The following SPPL3 variants were observed in gnomAD, a reference collection of about 807,000 sequenced individuals.
SPPL3 encodes signal peptide peptidase-like 3.
Under a neutral mutation model 42.4 loss-of-function variants are expected in SPPL3, and 5 were observed. The ratio of observed to expected loss-of-function variants is 0.12; its 90% CI spans 0.06 to 0.25. The LOEUF (loss-of-function observed/expected upper bound fraction) is 0.25, where lower values mean the gene tolerates loss of function less well. Ranked by LOEUF, SPPL3 falls within the 10% of genes least tolerant of loss-of-function variation. The probability of loss-of-function intolerance (pLI) is 1.00; values close to 1 mark genes in which losing one functional copy is unlikely to be tolerated. For missense variants in SPPL3, 235 were observed against 489.0 expected (o/e 0.48, Z 4.90); for synonymous variants, 195 against 181.8 (o/e 1.07, Z -0.58).
At chr12:120,874,471 GAAT>G (rs913733789) in intron 1 of SPPL3, among the ~76,000 whole-genome samples, 2 of 125,150 alleles carry the variant, frequency 1.6e-5, no homozygotes, top group Non-Finnish European at 3.6e-5. Context: ...AAAAAAAAAA[GAAT>G]AAAAGAAATA....
At chr12:120,877,277 T>C (rs1873134296) in intron 1 of SPPL3, among the ~76,000 whole-genome samples, 1 of 152,166 alleles carries the variant, frequency 6.6e-6, no homozygotes, top group Non-Finnish European at 1.5e-5. Flanking sequence ...ACTTCACTAG[T>C]GATCTACCAA....
chr12:120,766,302 T>C lies in SPPL3; in HGVS notation c.1044A>G (p.Pro348=), dbSNP rs748429525. 7 of 1,599,766 alleles carry C rather than the reference T, an allele frequency of 4.4e-6. No homozygotes were observed. In the East Asian group the frequency reaches 1.1e-4, roughly 26 times the overall value. ...TCGTGAGGAGTGGCAATAAAGTAAA[T>C]GGCACCAAATAGAGAAGGGCGGGCT... ...AAQPALLYLV[P]FTLLPLLTMA... The change falls in exon 10 of 11, where the codon CCA becomes CCG. Residue 348 remains proline, a synonymous_variant. Transcript: ENST00000353487.
At chr12:120,869,572 T>C (rs1157977419) in intron 1 of SPPL3, among the ~76,000 whole-genome samples, 3 of 152,206 alleles carry the variant, frequency 2.0e-5, no homozygotes, top group African/African-American at 7.2e-5. Context: ...ATTTCAAAAA[T>C]GCACACCAGA....
chr12:120,789,002 G>T (rs746633049), intron 3 of SPPL3, among the ~76,000 whole-genome samples: 1 of 152,226 alleles, frequency 6.6e-6, no homozygotes, highest in South Asian at 2.1e-4. Context: ...CTGGTCGGCC[G>T]TCTTTGTAAT....
chr12:120,773,129 C>T (rs1013246279), intron 6 of SPPL3, among the ~76,000 whole-genome samples: 1 of 152,172 alleles, frequency 6.6e-6, no homozygotes, highest in African/African-American at 2.4e-5. Flanking sequence ...ATGTTTAGGA[C>T]ACTGAGAGAT....
intron 3 of SPPL3, among the ~76,000 whole-genome samples, chr12:120,791,047 C>T (rs1869897840): frequency 6.6e-6 from 1 of 151,972 alleles, no homozygotes; most frequent in Admixed American, 6.6e-5. Flanking sequence ...CTTGAACTCC[C>T]AACCTCAAGT....
Position 120,904,087 on chromosome 12 carries a change from C to G in SPPL3, c.-220G>C. 3.1e-6 allele frequency: 1 copy of G among 324,308 alleles called. No homozygotes were observed. The highest frequency in any genetic ancestry group is 5.6e-6 in the Non-Finnish European group (1 of 180,062). The allele number at this position is 324,308 out of a possible 1,614,324, so 20.1% of individuals were successfully genotyped here. ...GGGCCCCGGGGCGGGGCGGGCTCCG[C>G]TCTCGGCCTCCCTCACCCGCGGCGG... On this transcript the variant is annotated 5_prime_UTR_variant, in exon 1 of 11. Coordinates refer to ENST00000353487, the MANE Select transcript of SPPL3 (RefSeq NM_139015.5).
chr12:120,837,246 T>C (rs1871650808), intron 1 of SPPL3, among the ~76,000 whole-genome samples: 2 of 152,180 alleles, frequency 1.3e-5, no homozygotes, highest in Non-Finnish European at 2.9e-5. Context: ...ATTTGACCAG[T>C]TCTCAATCAC....
At chr12:120,884,795 G>GT (rs144305547) in intron 1 of SPPL3, among the ~76,000 whole-genome samples, 3,123 of 117,348 alleles carry the variant, frequency 0.027, 68 homozygotes, top group African/African-American at 0.07. Flanking sequence ...GTTTTTTTGG[G>GT]TTTTTTTTTT....
At chr12:120,866,401 AG>A (rs1208672026) in intron 1 of SPPL3, among the ~76,000 whole-genome samples, 5 of 152,222 alleles carry the variant, frequency 3.3e-5, no homozygotes, top group Non-Finnish European at 7.3e-5. Flanking sequence ...CTATTACGCA[AG>A]GTTGGGACAT....
chr12:120,840,010 G>A (rs749026199), intron 1 of SPPL3, among the ~76,000 whole-genome samples: 20 of 152,228 alleles, frequency 1.3e-4, no homozygotes, highest in Admixed American at 2.6e-4. Flanking sequence ...GCCTAGAGTG[G>A]TGGCTCATGC....
At chr12:120,791,136 A>G (rs969440206) in intron 3 of SPPL3, among the ~76,000 whole-genome samples, 1 of 152,168 alleles carries the variant, frequency 6.6e-6, no homozygotes, top group Non-Finnish European at 1.5e-5. Context: ...GCACTTTTTA[A>G]AGAACATCTT....
At chr12:120,827,021 ATTTCTACCAACCCCGAGAATGT>A (rs1052857860) in intron 1 of SPPL3, among the ~76,000 whole-genome samples, 1 of 152,030 alleles carries the variant, frequency 6.6e-6, no homozygotes, top group African/African-American at 2.4e-5. Flanking sequence ...CCAGTTGGTG[ATTTCTACCAACCCCGAGAATGT>A]TTTCAGAGGA....
intron 1 of SPPL3, among the ~76,000 whole-genome samples, chr12:120,876,240 A>C (rs1451675759): frequency 2.0e-5 from 3 of 152,174 alleles, no homozygotes; most frequent in Non-Finnish European, 4.4e-5. Flanking sequence ...AGGAGAATTA[A>C]ACTAGAAATT....
intron 1 of SPPL3, among the ~76,000 whole-genome samples, chr12:120,821,543 T>A (rs531597898): frequency 3.9e-5 from 6 of 152,280 alleles, no homozygotes; most frequent in East Asian, 1.9e-4. Flanking sequence ...AAAAAAAAAA[T>A]TATAATACAG....
intron 1 of SPPL3, chr12:120,845,163 G>A (rs1871977360): frequency 8.7e-6 from 4 of 462,318 alleles, no homozygotes; most frequent in Admixed American, 2.4e-5. Context: ...GATAGAGCCC[G>A]TCGCCACTGG....
intron 2 of SPPL3, among the ~76,000 whole-genome samples, chr12:120,796,197 G>A (rs1870091171): frequency 6.6e-6 from 1 of 152,130 alleles, no homozygotes; most frequent in South Asian, 2.1e-4. Flanking sequence ...CCAACATGGT[G>A]AAACCCCGTC....
intron 1 of SPPL3, among the ~76,000 whole-genome samples, chr12:120,848,086 T>G (rs1325842427): frequency 6.6e-6 from 1 of 152,184 alleles, no homozygotes; most frequent in Non-Finnish European, 1.5e-5. Context: ...TGTGCACAAG[T>G]AAGAGCAGAT....
chr12:120,872,792 A>G (rs1484102003), intron 1 of SPPL3, among the ~76,000 whole-genome samples: 1 of 152,188 alleles, frequency 6.6e-6, no homozygotes, highest in African/African-American at 2.4e-5. Flanking sequence ...AGGGGGGCCA[A>G]GTTAGTCCAA....
Sources: allele counts gnomAD v4.1 joint callset (sites outside exome capture counted in the v4.1 genomes callset), GRCh38; gene constraint gnomAD v4.1.1; transcripts MANE v1.5; gene names NCBI Gene and HGNC (gene_info 2026-07-23, HGNC 2026-07-21).